Variants in ARHGAP15 observed in about 807,000 individuals in gnomAD.
ARHGAP15 encodes the protein rho GTPase-activating protein 15.
In ARHGAP15, 51 loss-of-function variants were observed where a neutral mutation model predicts 63.7. The observed-to-expected ratio is 0.80, with a 90% CI of 0.64 to 1.01. ARHGAP15 has a LOEUF of 1.01. Ranked by LOEUF, ARHGAP15 falls within the 50% of genes least tolerant of loss-of-function variation. The probability of loss-of-function intolerance (pLI) is 0.00; values close to 1 mark genes in which losing one functional copy is unlikely to be tolerated. For missense variants in ARHGAP15, 560 were observed against 564.6 expected (o/e 0.99, Z 0.08); for synonymous variants, 191 against 193.8 (o/e 0.99, Z 0.12).
chr2:143,207,479 CACACACACACACATAA>C (rs1286385787), intron 3 of ARHGAP15, among the ~76,000 whole-genome samples: 7 of 138,568 alleles, frequency 5.1e-5, no homozygotes, highest in African/African-American at 8.3e-5. Flanking sequence ...CTCCCATTGA[CACACACACACACATAA>C]ACACACACAC....
intron 13 of ARHGAP15, among the ~76,000 whole-genome samples, chr2:143,735,255 G>T (rs147950233): frequency 1.8e-4 from 27 of 152,294 alleles, no homozygotes; most frequent in African/African-American, 6.3e-4. Context: ...GAAATGCTAA[G>T]TTTAGTGCAA....
At chr2:143,166,594 C>T (rs1173272196) in intron 2 of ARHGAP15, among the ~76,000 whole-genome samples, 1 of 152,068 alleles carries the variant, frequency 6.6e-6, no homozygotes, top group Non-Finnish European at 1.5e-5. Flanking sequence ...ACTGCCACCA[C>T]CACCTCTTCA....
intron 8 of ARHGAP15, among the ~76,000 whole-genome samples, chr2:143,443,854 G>A (rs1360774935): frequency 6.6e-6 from 1 of 152,136 alleles, no homozygotes; most frequent in Non-Finnish European, 1.5e-5. Context: ...ATGTTCCCAA[G>A]CAGCAGTACC....
At chr2:143,483,181 T>C (rs985955184) in intron 8 of ARHGAP15, among the ~76,000 whole-genome samples, 4 of 152,234 alleles carry the variant, frequency 2.6e-5, no homozygotes, top group African/African-American at 9.6e-5. Context: ...TGGAGCCAGA[T>C]GGTGGTATTG....
At chr2:143,421,121 G>A (rs1037670261) in intron 6 of ARHGAP15, among the ~76,000 whole-genome samples, 2 of 151,928 alleles carry the variant, frequency 1.3e-5, no homozygotes, top group African/African-American at 4.8e-5. Context: ...ATTCCAAACA[G>A]CACATTGCCC....
chr2:143,481,640 T>G (rs1692085633), intron 8 of ARHGAP15, among the ~76,000 whole-genome samples: 1 of 152,164 alleles, frequency 6.6e-6, no homozygotes, highest in African/African-American at 2.4e-5. Context: ...CAGAGGGCAT[T>G]GTTTCCCCTT....
chr2:143,401,857 C>A (rs562378738), intron 6 of ARHGAP15, among the ~76,000 whole-genome samples: 3 of 151,860 alleles, frequency 2.0e-5, no homozygotes, highest in African/African-American at 7.3e-5. Flanking sequence ...CTTTTTAGAA[C>A]GAGCAAAATT....
At chr2:143,766,823 G>A (rs1441019714) in intron 13 of ARHGAP15, 1 of 152,158 alleles carries the variant, frequency 6.6e-6, no homozygotes, top group Non-Finnish European at 1.5e-5. Context: ...GCGGCGGGAT[G>A]GGGTTTCTGG....
chr2:143,366,677 ATTTAT>A (rs960132386), intron 6 of ARHGAP15, among the ~76,000 whole-genome samples: 3 of 152,090 alleles, frequency 2.0e-5, no homozygotes. Flanking sequence ...TTATTTGAAG[ATTTAT>A]TTAATAGGGT....
intron 10 of ARHGAP15, among the ~76,000 whole-genome samples, chr2:143,537,465 T>A (rs1049990127): frequency 6.6e-6 from 1 of 152,210 alleles, no homozygotes; most frequent in Admixed American, 6.5e-5. Context: ...TGCTTATGTC[T>A]TGAATGGTAT....
At chr2:143,691,748 A>T (rs1267305028) in intron 12 of ARHGAP15, among the ~76,000 whole-genome samples, 1 of 152,204 alleles carries the variant, frequency 6.6e-6, no homozygotes, top group East Asian at 1.9e-4. Flanking sequence ...ACACTTGGAG[A>T]ATTCATCAAT....
chr2:143,257,544 T>C (rs972143954), intron 6 of ARHGAP15, among the ~76,000 whole-genome samples: 8 of 152,136 alleles, frequency 5.3e-5, no homozygotes, highest in African/African-American at 1.7e-4. Context: ...TTCTGGGTTT[T>C]AGTCTGACAC....
At chr2:143,371,838 A>G (rs1191697083) in intron 6 of ARHGAP15, among the ~76,000 whole-genome samples, 1 of 152,146 alleles carries the variant, frequency 6.6e-6, no homozygotes, top group Non-Finnish European at 1.5e-5. Context: ...TTCCATTATC[A>G]TGAATGTACT....
chr2:143,632,661 C>T (rs188953230), intron 12 of ARHGAP15, among the ~76,000 whole-genome samples: 19 of 152,262 alleles, frequency 1.2e-4, no homozygotes, highest in Admixed American at 3.3e-4. Context: ...GTCACATCCT[C>T]ATCAGATAAA....
At chr2:143,549,392 G>A (rs1330418393) in intron 10 of ARHGAP15, among the ~76,000 whole-genome samples, 1 of 152,166 alleles carries the variant, frequency 6.6e-6, no homozygotes, top group African/African-American at 2.4e-5. Flanking sequence ...CAGGAAGAGA[G>A]GAAGCAGATG....
intron 9 of ARHGAP15, among the ~76,000 whole-genome samples, chr2:143,493,720 T>A (rs186784097): frequency 2.0e-5 from 3 of 152,234 alleles, no homozygotes; most frequent in Admixed American, 6.5e-5. Context: ...CTCCAGCTGA[T>A]TGCCCTGTGA....
At position 143,325,931 on chromosome 2, in the gene ARHGAP15, C is replaced by T. The variant is rs549606052; in HGVS notation, c.474+75331C>T. On this transcript the variant is annotated intron_variant, in intron 6 of 13. Transcript: ENST00000295095. The stretch of plus-strand genomic sequence containing the variant: ...AAGGAAACAAAAGTAAATCCTTTCC[C>T]TAAATATTGCCCACACTGATCTTCA... Among the ~76,000 whole-genome samples the T allele has an allele frequency of 1.2e-4, 18 of 152,224 alleles. No homozygotes were observed. In the East Asian group the frequency reaches 2.9e-3, roughly 24 times the overall value.
At chr2:143,439,422 C>CAACAAAAAAAAAAAAAAA (rs1689767373) in intron 8 of ARHGAP15, among the ~76,000 whole-genome samples, 1 of 31,736 alleles carries the variant, frequency 3.2e-5, no homozygotes, top group Non-Finnish European at 5.9e-5. Flanking sequence ...GACTCTGTCT[C>CAACAAAAAAAAAAAAAAA]AAAAAAAAAA....
chr2:143,217,698 C>T (rs775433906), intron 4 of ARHGAP15, among the ~76,000 whole-genome samples: 40 of 152,164 alleles, frequency 2.6e-4, no homozygotes, highest in Middle Eastern at 3.2e-3. Flanking sequence ...CTTATCATGA[C>T]CTTATCAACT....
Sources: gnomAD v4.1 joint callset for allele counts (sites outside exome capture counted in the v4.1 genomes callset) on GRCh38, gnomAD v4.1.1 for gene constraint, MANE v1.5 for transcripts, NCBI Gene and HGNC (gene_info 2026-07-23, HGNC 2026-07-21) for gene names.